SEMA6D: variants seen among roughly 807,000 people sequenced by gnomAD.
The protein encoded by SEMA6D is semaphorin-6D.
SEMA6D carries 35 observed loss-of-function variants against 106.6 expected under a neutral mutation model. The observed-to-expected ratio is 0.33, with a 90% CI of 0.25 to 0.44. SEMA6D has a LOEUF of 0.44. SEMA6D is among the 20% of genes least tolerant of loss of function. The pLI is 1.00. For missense variants in SEMA6D, 1,185 were observed against 1,345.9 expected (o/e 0.88, Z 1.87); for synonymous variants, 499 against 487.7 (o/e 1.02, Z -0.31).
At chr15:47,312,644 A>G (rs2036495661) in intron 1 of SEMA6D, among the ~76,000 whole-genome samples, 1 of 152,164 alleles carries the variant, frequency 6.6e-6, no homozygotes, top group South Asian at 2.1e-4. Flanking sequence ...CAAGCTGCAT[A>G]GGTCATTACG....
At chr15:47,670,995 G>A (rs527435932) in intron 4 of SEMA6D, among the ~76,000 whole-genome samples, 6 of 152,148 alleles carry the variant, frequency 3.9e-5, no homozygotes, top group East Asian at 1.9e-4. Context: ...AGATATTTTC[G>A]TAATAGAATA....
At chr15:47,313,912 G>T (rs573485085) in intron 1 of SEMA6D, among the ~76,000 whole-genome samples, 3 of 152,310 alleles carry the variant, frequency 2.0e-5, no homozygotes, top group Non-Finnish European at 2.9e-5. Flanking sequence ...CCTTGTTCAG[G>T]TTTATGTGTA....
rs906686945 is a variant in SEMA6D at position 47,476,083 on chromosome 15, C to A, written c.-87+5538C>A. On this transcript the variant is annotated intron_variant, in intron 3 of 19. Transcript: ENST00000558014. Reference sequence around the variant, plus strand: ...TCCTGAGGGAGACAGGAACATATTCCAGGCAGAGGAAGTAGGTTGGGCATT... The same window carrying A: ...TCCTGAGGGAGACAGGAACATATTCAAGGCAGAGGAAGTAGGTTGGGCATT... Among the ~76,000 whole-genome samples the A allele has an allele frequency of 1.2e-4, 18 of 152,272 alleles. No homozygotes were observed. The East Asian group carries it at 2.3e-3, about 20-fold the overall frequency.
intron 1 of SEMA6D, among the ~76,000 whole-genome samples, chr15:47,751,919 A>G (rs1380896956): frequency 6.6e-6 from 1 of 152,206 alleles, no homozygotes; most frequent in Admixed American, 6.5e-5. Context: ...TGGGAGGCAG[A>G]AAGGGCCACC....
At chr15:47,226,881 A>G (rs151248586) in intron 1 of SEMA6D, among the ~76,000 whole-genome samples, 1,867 of 152,186 alleles carry the variant, frequency 0.012, 57 homozygotes, top group Admixed American at 0.013. Flanking sequence ...ATCAGATATT[A>G]CGCCAGCTTC....
At chr15:47,325,330 G>A (rs1039356278) in intron 1 of SEMA6D, among the ~76,000 whole-genome samples, 3 of 151,914 alleles carry the variant, frequency 2.0e-5, no homozygotes, top group Non-Finnish European at 2.9e-5. Context: ...CCCACCACCA[G>A]GCCCGGCTAA....
chr15:47,343,941 C>G (rs1023924562), intron 1 of SEMA6D, among the ~76,000 whole-genome samples: 3 of 152,114 alleles, frequency 2.0e-5, no homozygotes, highest in African/African-American at 7.2e-5. Flanking sequence ...AACAGACACT[C>G]CTCAAAAGAA....
At chr15:47,566,201 T>C (rs1248300105) in intron 3 of SEMA6D, among the ~76,000 whole-genome samples, 2 of 152,212 alleles carry the variant, frequency 1.3e-5, no homozygotes, top group Non-Finnish European at 2.9e-5. Flanking sequence ...TGTGTGATTT[T>C]GGGATTCACA....
intron 1 of SEMA6D, among the ~76,000 whole-genome samples, chr15:47,341,528 G>A (rs546655243): frequency 6.6e-6 from 1 of 152,312 alleles, no homozygotes; most frequent in African/African-American, 2.4e-5. Flanking sequence ...TTGTATGATT[G>A]TGGACAGATT....
At chr15:47,373,726 A>G (rs281247) in intron 1 of SEMA6D, among the ~76,000 whole-genome samples, 99,010 of 152,080 alleles carry the variant, frequency 0.65, 32,947 homozygotes, top group Non-Finnish European at 0.72. Flanking sequence ...AACTATTGTT[A>G]TTGGTGATGT....
chr15:47,527,977 G>A (rs2044820095), intron 3 of SEMA6D, among the ~76,000 whole-genome samples: 1 of 152,208 alleles, frequency 6.6e-6, no homozygotes, highest in African/African-American at 2.4e-5. Flanking sequence ...TGCTATGTAA[G>A]TAAATGTTTT....
intron 2 of SEMA6D, among the ~76,000 whole-genome samples, chr15:47,415,996 C>T (rs1339456007): frequency 6.6e-6 from 1 of 152,072 alleles, no homozygotes; most frequent in Non-Finnish European, 1.5e-5. Flanking sequence ...AAATTTTCAT[C>T]CAGAGTGCTA....
chr15:47,740,797 G>T (rs1234942128), intron 1 of SEMA6D, among the ~76,000 whole-genome samples: 1 of 152,100 alleles, frequency 6.6e-6, no homozygotes, highest in East Asian at 1.9e-4. Context: ...CCACTGCCTG[G>T]AGACAAAGGC....
At chr15:47,746,403 A>G (rs997015848) in intron 1 of SEMA6D, among the ~76,000 whole-genome samples, 4 of 152,238 alleles carry the variant, frequency 2.6e-5, no homozygotes, top group Non-Finnish European at 5.9e-5. Flanking sequence ...CTCCTGGATC[A>G]TAAGTCCCTC....
At chr15:47,619,620 T>C (rs915337155) in intron 4 of SEMA6D, among the ~76,000 whole-genome samples, 10 of 152,188 alleles carry the variant, frequency 6.6e-5, no homozygotes, top group Non-Finnish European at 1.3e-4. Flanking sequence ...CACTAGACCA[T>C]ATGAATCAGC....
At chr15:47,353,434 A>G (rs2038408726) in intron 1 of SEMA6D, among the ~76,000 whole-genome samples, 1 of 152,170 alleles carries the variant, frequency 6.6e-6, no homozygotes, top group South Asian at 2.1e-4. Context: ...TATGCTTCTA[A>G]CAAAGAGTTG....
chr15:47,369,396 A>G (rs186661776), intron 1 of SEMA6D, among the ~76,000 whole-genome samples: 5 of 152,340 alleles, frequency 3.3e-5, no homozygotes, highest in Admixed American at 2.0e-4. Context: ...AATAGTTTAT[A>G]TATTTTTAAA....
chr15:47,665,727 T>C (rs2078012964), intron 4 of SEMA6D, among the ~76,000 whole-genome samples: 1 of 152,192 alleles, frequency 6.6e-6, no homozygotes, highest in South Asian at 2.1e-4. Context: ...GGAGAATCAC[T>C]TGAACCCAGG....
intron 3 of SEMA6D, among the ~76,000 whole-genome samples, chr15:47,498,614 T>G (rs1166104214): frequency 6.6e-6 from 1 of 152,170 alleles, no homozygotes; most frequent in Non-Finnish European, 1.5e-5. Context: ...TTTCATAAAT[T>G]ATGCAAATGC....
Sources: gnomAD v4.1 joint callset for allele counts (sites outside exome capture counted in the v4.1 genomes callset) on GRCh38, gnomAD v4.1.1 for gene constraint, MANE v1.5 for transcripts, NCBI Gene and HGNC (gene_info 2026-07-23, HGNC 2026-07-21) for gene names.